The following PDZRN4 variants were observed in gnomAD, a reference collection of about 807,000 sequenced individuals.
The protein encoded by PDZRN4 is PDZ domain containing ring finger 4.
PDZRN4 carries 70 observed loss-of-function variants against 99.0 expected under a neutral mutation model. The observed-to-expected ratio is 0.71, with a 90% CI of 0.58 to 0.86. The LOEUF (loss-of-function observed/expected upper bound fraction) is 0.86, where lower values mean the gene tolerates loss of function less well. PDZRN4 is among the 40% of genes least tolerant of loss of function. The pLI is 0.00. For missense variants in PDZRN4, 1,474 were observed against 1,331.2 expected, an observed-to-expected ratio of 1.11 and a Z score of -1.67; for synonymous variants, 551 against 501.6, an observed-to-expected ratio of 1.10 and a Z score of -1.32.
intron 9 of PDZRN4, 91 bp from the exon 10 acceptor site, chr12:41,572,273 C>A: frequency 9.1e-7 from 1 of 1,104,440 alleles, no homozygotes; most frequent in Non-Finnish European, 1.3e-6. Flanking sequence ...GCAACTTTGC[C>A]AGGAAACATT....
intron 3 of PDZRN4, among the ~76,000 whole-genome samples, chr12:41,270,093 C>T (rs775366542): frequency 4.6e-5 from 7 of 152,056 alleles, no homozygotes; most frequent in Non-Finnish European, 7.4e-5. Context: ...TTTAATTTCA[C>T]GTTTGCCCAT....
chr12:41,465,417 T>TC (rs1232278924), intron 3 of PDZRN4, among the ~76,000 whole-genome samples: 1 of 152,210 alleles, frequency 6.6e-6, no homozygotes, highest in Non-Finnish European at 1.5e-5. Flanking sequence ...ACTCTTTTTT[T>TC]CTAAATCAAG....
chr12:41,304,091 G>T (rs776066199), intron 3 of PDZRN4, among the ~76,000 whole-genome samples: 21 of 152,202 alleles, frequency 1.4e-4, no homozygotes, highest in Non-Finnish European at 2.9e-4. Context: ...TGTCTTGAGG[G>T]ATATATGGGA....
At chr12:41,299,538 A>C (rs1951519379) in intron 3 of PDZRN4, among the ~76,000 whole-genome samples, 2 of 152,056 alleles carry the variant, frequency 1.3e-5, no homozygotes, top group African/African-American at 4.8e-5. Flanking sequence ...TTAGGCTTAG[A>C]TGACACCCTT....
Position 41,188,845 on chromosome 12 carries a change from G to T in PDZRN4, c.390G>T (p.Arg130=). 7.9e-7 allele frequency: 1 copy of T among 1,263,584 alleles called. No homozygotes were observed. Among genetic ancestry groups the T allele is most frequent in the Non-Finnish European group, 9.9e-7 (1 of 1,005,596 alleles). 78.3% of individuals were successfully genotyped at this position (1,263,584 alleles called of 1,614,324 possible). A position where few individuals can be genotyped will look rare whatever the true frequency, so the allele number is the denominator to read the frequency against. ...TGGGCGGTGGTGAGGTGCCCGCGCG[G>T]GGGGGCTGCGGTCCGACACCCAGGG... ...SGLGGGEVPA[R]GGCGPTPRAG... Residue 130 remains arginine (R), a synonymous_variant, in exon 1 of 10, where the codon CGG becomes CGT. Transcript: ENST00000402685.
intron 3 of PDZRN4, among the ~76,000 whole-genome samples, chr12:41,439,584 T>G (rs776445881): frequency 6.6e-6 from 1 of 152,188 alleles, no homozygotes; most frequent in Admixed American, 6.5e-5. Context: ...AAAGGACCAC[T>G]GTATTTGCTA....
chr12:41,329,965 G>A (rs543638709), intron 3 of PDZRN4, among the ~76,000 whole-genome samples: 7 of 152,062 alleles, frequency 4.6e-5, no homozygotes, highest in Admixed American at 1.3e-4. Flanking sequence ...GACATTCCTC[G>A]CCTGAAGGCT....
At chr12:41,229,964 C>T (rs1437574921) in intron 3 of PDZRN4, among the ~76,000 whole-genome samples, 2 of 151,974 alleles carry the variant, frequency 1.3e-5, no homozygotes, top group Admixed American at 6.6e-5. Context: ...TTTCCACAAG[C>T]GGCTTTTGTC....
Position 41,197,826 on chromosome 12 carries a change from G to A in PDZRN4, c.843+3638G>A, listed in dbSNP as rs74895172. Among the ~76,000 whole-genome samples the A allele has an allele frequency of 6.6e-5, 10 of 152,110 alleles. No individual in the cohort carries two copies. The East Asian group carries it at 1.9e-3, about 29-fold the overall frequency. On this transcript the variant is annotated intron_variant, in intron 3 of 9. Coordinates refer to ENST00000402685, the MANE Select transcript of PDZRN4 (RefSeq NM_001164595.2). ...AGGATGCCTAAGTGGTATGTGGGAG[G>A]GAGTTGAGAAACAAAGTTCACTGTT... is the stretch of plus-strand genomic sequence containing the variant.
At chr12:41,280,257 G>A (rs968889606) in intron 3 of PDZRN4, among the ~76,000 whole-genome samples, 12 of 152,150 alleles carry the variant, frequency 7.9e-5, no homozygotes, top group Admixed American at 7.2e-4. Context: ...CACCACCAGG[G>A]CCCTGGGTTT....
At chr12:41,302,918 C>CAT (rs1293814580) in intron 3 of PDZRN4, among the ~76,000 whole-genome samples, 7 of 131,612 alleles carry the variant, frequency 5.3e-5, no homozygotes, top group Admixed American at 8.9e-5. Context: ...GTCCTGATTT[C>CAT]ATATATATAT....
At chr12:41,421,087 G>A (rs529354531) in intron 3 of PDZRN4, among the ~76,000 whole-genome samples, 11 of 152,140 alleles carry the variant, frequency 7.2e-5, no homozygotes, top group Non-Finnish European at 1.0e-4. Flanking sequence ...TACCTCTGTA[G>A]CATTTCTCTC....
chr12:41,204,565 G>A (rs577854877), intron 3 of PDZRN4, among the ~76,000 whole-genome samples: 1 of 152,076 alleles, frequency 6.6e-6, no homozygotes, highest in South Asian at 2.1e-4. Flanking sequence ...AAAAGGGAAG[G>A]AAGGTACCTT....
At chr12:41,433,744 G>C (rs1952604526) in intron 3 of PDZRN4, among the ~76,000 whole-genome samples, 1 of 152,214 alleles carries the variant, frequency 6.6e-6, no homozygotes, top group Non-Finnish European at 1.5e-5. Flanking sequence ...TGGTGATTCA[G>C]AATAGGCTCA....
In PDZRN4 at chr12:41,371,669, A is replaced by G. The variant is rs553606843; in HGVS notation, c.844-134787A>G. ...TTGGTTTTCGCTTTATTTTTGCCAAATGTTTATTTGTTTGTTTGGTTGATT... is the reference window on the plus strand; with the variant it reads ...TTGGTTTTCGCTTTATTTTTGCCAAGTGTTTATTTGTTTGTTTGGTTGATT... On this transcript the variant is annotated intron_variant, in intron 3 of 9. Transcript: ENST00000402685. Among the ~76,000 whole-genome samples the G allele has an allele frequency of 2.6e-5, 4 of 152,126 alleles. No individual in the cohort carries two copies. In the East Asian group the frequency reaches 7.7e-4, roughly 29 times the overall value.
chr12:41,328,008 A>G lies in PDZRN4; in HGVS notation c.843+133820A>G, dbSNP rs188843859. On this transcript the variant is annotated intron_variant, in intron 3 of 9. Transcript: ENST00000402685. ...TGATATTAGCAAAACTACACTAATG[A>G]AGTCAAATATGAAAAAATATGGTAT... Among the ~76,000 whole-genome samples the G allele has an allele frequency of 1.4e-3, 209 of 152,252 alleles. 1 individual carries two copies. The highest frequency in any genetic ancestry group is 4.8e-3 in the African/African-American group (199 of 41,546).
At chr12:41,216,245 GT>G (rs1950920174) in intron 3 of PDZRN4, among the ~76,000 whole-genome samples, 2 of 151,956 alleles carry the variant, frequency 1.3e-5, no homozygotes, top group South Asian at 4.1e-4. Flanking sequence ...TCTTGATAAT[GT>G]TATATAGATG....
intron 3 of PDZRN4, among the ~76,000 whole-genome samples, chr12:41,469,233 T>C (rs577231695): frequency 2.6e-5 from 4 of 152,270 alleles, no homozygotes; most frequent in South Asian, 4.1e-4. Flanking sequence ...TGAAGATTTA[T>C]GTGTGAAAAA....
intron 3 of PDZRN4, among the ~76,000 whole-genome samples, chr12:41,465,740 T>C (rs748530804): frequency 6.6e-6 from 1 of 152,224 alleles, no homozygotes; most frequent in African/African-American, 2.4e-5. Context: ...GCAGTGGAGA[T>C]GAAGAGGAGC....
Sources: allele counts gnomAD v4.1 joint callset (sites outside exome capture counted in the v4.1 genomes callset), GRCh38; gene constraint gnomAD v4.1.1; transcripts MANE v1.5; gene names NCBI Gene and HGNC (gene_info 2026-07-23, HGNC 2026-07-21).